Variants in DNAJC2 observed in about 807,000 individuals in gnomAD.
DNAJC2 encodes DnaJ heat shock protein family (Hsp40) member C2.
DNAJC2 carries 32 observed loss-of-function variants against 94.0 expected under a neutral mutation model. The observed-to-expected ratio is 0.34, with a 90% CI of 0.26 to 0.46. DNAJC2 has a LOEUF of 0.46. Ranked by LOEUF, DNAJC2 falls within the 20% of genes least tolerant of loss-of-function variation. The probability of loss-of-function intolerance (pLI) is 1.00; values close to 1 mark genes in which losing one functional copy is unlikely to be tolerated. For missense variants in DNAJC2, 550 were observed against 719.5 expected (o/e 0.76, Z 2.69); for synonymous variants, 210 against 229.7 (o/e 0.91, Z 0.77).
chr7:103,330,429 A>C (rs1306128382), intron 3 of DNAJC2, among the ~76,000 whole-genome samples: 1 of 152,004 alleles, frequency 6.6e-6, no homozygotes, highest in Non-Finnish European at 1.5e-5. Context: ...CTGGGATTAC[A>C]GGTGCTCTCC....
chr7:103,313,756 A>C (rs961936284), intron 15 of DNAJC2: 2 of 985,130 alleles, frequency 2.0e-6, no homozygotes, highest in Admixed American at 6.1e-5. Context: ...ATTTCAGAAA[A>C]CATCTAAGAT....
chr7:103,321,599 G>C (rs926491879), intron 10 of DNAJC2, among the ~76,000 whole-genome samples: 5 of 151,780 alleles, frequency 3.3e-5, no homozygotes, highest in Admixed American at 6.6e-5. Flanking sequence ...TGTAGTCCCA[G>C]CACTTTGGGA....
chr7:103,322,607 C>A lies in DNAJC2; in HGVS notation c.837G>T (p.Arg279Ser). Residue 279 changes from arginine (R) to serine (S), a missense_variant, in exon 9 of 17, where the codon AGG becomes AGT. Physicochemically the swap from Arg to Ser is moderately radical, Grantham distance 110. Coordinates refer to ENST00000379263, the MANE Select transcript of DNAJC2 (RefSeq NM_014377.3). Reference sequence around the variant, plus strand: ...TTTCTTCTTCCTTGAACTTTTTTATCCTTGGATCACAGCTGTATGCATTGT... The same window carrying A: ...TTTCTTCTTCCTTGAACTTTTTTATACTTGGATCACAGCTGTATGCATTGT... ...LVDNAYSCDP[R>S]IKKFKEEEKA... 3 of 1,612,364 alleles carry A rather than the reference C, an allele frequency of 1.9e-6. No homozygotes were observed. The highest frequency in any genetic ancestry group is 2.5e-6 in the Non-Finnish European group (3 of 1,179,364).
chr7:103,327,636 A>C lies in DNAJC2; in HGVS notation c.430+20T>G. ...TAACAATTACTATTAGAAATTCCTGACTCTAAAGCATTTTCTTACCTTTAG... is the reference window on the plus strand; with the variant it reads ...TAACAATTACTATTAGAAATTCCTGCCTCTAAAGCATTTTCTTACCTTTAG... On this transcript the variant is annotated intron_variant, in intron 4 of 16. Transcript: ENST00000379263. 6.8e-7 allele frequency: 1 copy of C among 1,469,388 alleles called. No homozygotes were observed. The highest frequency in any genetic ancestry group is 9.4e-7 in the Non-Finnish European group (1 of 1,058,330). The allele number at this position is 1,469,388 out of a possible 1,614,324, so 91.0% of individuals were successfully genotyped here.
chr7:103,321,669 G>A (rs1415122161), intron 10 of DNAJC2, among the ~76,000 whole-genome samples: 1 of 151,500 alleles, frequency 6.6e-6, no homozygotes, highest in African/African-American at 2.4e-5. Context: ...CCAACATGGC[G>A]AAACCCTGTC....
At chr7:103,325,222 T>C (rs191580970) in intron 5 of DNAJC2, among the ~76,000 whole-genome samples, 1 of 152,250 alleles carries the variant, frequency 6.6e-6, no homozygotes, top group African/African-American at 2.4e-5. Flanking sequence ...GGCCAGCGGA[T>C]CACCTGAGGC....
intron 15 of DNAJC2, chr7:103,314,214 T>C (rs1426295569): frequency 1.5e-5 from 15 of 985,200 alleles, no homozygotes; most frequent in East Asian, 2.3e-4. Flanking sequence ...TTTCCTCTCT[T>C]GGAAAAAAGA....
At chr7:103,339,000 A>G (rs1672732413) in intron 2 of DNAJC2, among the ~76,000 whole-genome samples, 1 of 152,204 alleles carries the variant, frequency 6.6e-6, no homozygotes, top group Non-Finnish European at 1.5e-5. Flanking sequence ...ACAAAGGCCT[A>G]AGAAAGGCTC....
intron 15 of DNAJC2, chr7:103,314,700 C>T (rs1286671235): frequency 1.0e-6 from 1 of 967,546 alleles, no homozygotes; most frequent in Non-Finnish European, 1.2e-6. Flanking sequence ...AAACAAGTCA[C>T]TGCTGATTTT....
At chr7:103,325,449 G>GA (rs35877928) in intron 5 of DNAJC2, among the ~76,000 whole-genome samples, 83,487 of 145,874 alleles carry the variant, frequency 0.57, 25,107 homozygotes, top group Middle Eastern at 0.75. Context: ...AATAAAAAAG[G>GA]AAAAAAAAAA....
chr7:103,340,341 G>T (rs779797340), intron 2 of DNAJC2, among the ~76,000 whole-genome samples: 2 of 152,124 alleles, frequency 1.3e-5, no homozygotes, highest in Non-Finnish European at 2.9e-5. Flanking sequence ...CTTTTAAAAT[G>T]GATGAGGTGG....
intron 7 of DNAJC2, among the ~76,000 whole-genome samples, chr7:103,323,096 C>A (rs1374980675): frequency 6.6e-6 from 1 of 151,966 alleles, no homozygotes; most frequent in Non-Finnish European, 1.5e-5. Flanking sequence ...TGCCTGGCTA[C>A]TTTTTCTATT....
chr7:103,338,666 C>T (rs972663536), intron 2 of DNAJC2, among the ~76,000 whole-genome samples: 5 of 151,492 alleles, frequency 3.3e-5, no homozygotes, highest in African/African-American at 1.2e-4. Flanking sequence ...AATCCCAGTG[C>T]TTTGGGAGGC....
At chr7:103,337,476 G>A (rs1015661667) in intron 3 of DNAJC2, 3 of 337,526 alleles carry the variant, frequency 8.9e-6, no homozygotes, top group African/African-American at 6.4e-5. Flanking sequence ...GCTTGCCATT[G>A]GAGGAGTATT....
chr7:103,319,993 C>G, intron 10 of DNAJC2, 149 bp from the exon 11 acceptor site: 1 of 717,294 alleles, frequency 1.4e-6, no homozygotes, highest in South Asian at 1.7e-5. Flanking sequence ...GAGATCACGC[C>G]ACTGCACTCC....
intron 4 of DNAJC2, chr7:103,327,389 G>C (rs1818763440): frequency 8.7e-7 from 1 of 1,149,042 alleles, no homozygotes; most frequent in African/African-American, 1.6e-5. Flanking sequence ...CTGTTAAAAT[G>C]CAGATTTTAA....
intron 1 of DNAJC2, among the ~76,000 whole-genome samples, chr7:103,343,949 G>A (rs1819492282): frequency 6.6e-6 from 1 of 152,214 alleles, no homozygotes; most frequent in Non-Finnish European, 1.5e-5. Context: ...TGGACCTGAA[G>A]ACTCTTAAGT....
chr7:103,318,756 T>G (rs545587911), intron 12 of DNAJC2, among the ~76,000 whole-genome samples: 62 of 152,378 alleles, frequency 4.1e-4, no homozygotes, highest in African/African-American at 1.4e-3. Context: ...TGGTTCTAAC[T>G]GTTATTACCC....
intron 12 of DNAJC2, 71 bp downstream of exon 12, chr7:103,319,538 T>A: frequency 7.2e-7 from 1 of 1,384,416 alleles, no homozygotes; most frequent in Non-Finnish European, 1.0e-6. Context: ...GACTTATATA[T>A]TAGGTGAAGA....
Sources: allele counts gnomAD v4.1 joint callset (sites outside exome capture counted in the v4.1 genomes callset), GRCh38; gene constraint gnomAD v4.1.1; transcripts MANE v1.5; gene names NCBI Gene and HGNC (gene_info 2026-07-23, HGNC 2026-07-21).